The following EML1 variants were observed in gnomAD, a reference collection of about 807,000 sequenced individuals.
EML1 encodes the protein EMAP like 1.
EML1 carries 27 observed loss-of-function variants against 110.4 expected under a neutral mutation model. The ratio of observed to expected loss-of-function variants is 0.24; its 90% CI spans 0.18 to 0.34. The LOEUF (loss-of-function observed/expected upper bound fraction) is 0.34, where lower values mean the gene tolerates loss of function less well. Among genes scored for constraint, EML1 ranks in the 10% least tolerant of loss-of-function variants. EML1 has a pLI of 1.00. For synonymous variants in EML1, 344 were observed against 385.8 expected (o/e 0.89, Z 1.27); for missense variants, 741 against 1,030.9 (o/e 0.72, Z 3.85).
intron 9 of EML1, among the ~76,000 whole-genome samples, chr14:99,904,777 GT>G (rs1555402810): frequency 2.6e-5 from 4 of 151,912 alleles, no homozygotes; most frequent in African/African-American, 7.3e-5. Flanking sequence ...ACTTTATCCA[GT>G]TTTTTTTCAG....
intron 1 of EML1, among the ~76,000 whole-genome samples, chr14:99,785,384 T>C (rs1436205791): frequency 6.6e-6 from 1 of 152,138 alleles, no homozygotes; most frequent in Non-Finnish European, 1.5e-5. Context: ...AGAATAATCT[T>C]AACACTGGAA....
intron 10 of EML1, 92 bp downstream of exon 10, chr14:99,907,825 C>A: frequency 8.8e-7 from 1 of 1,136,630 alleles, no homozygotes; most frequent in Non-Finnish European, 1.3e-6. Context: ...CGGGCTCATT[C>A]CCACCCCAGC....
At chr14:99,850,773 C>A in intron 1 of EML1, 80 bp from the exon 2 acceptor site, 1 of 1,478,604 alleles carries the variant, frequency 6.8e-7, no homozygotes, top group Non-Finnish European at 9.2e-7. Flanking sequence ...GGGCTTAAAA[C>A]AGCATGCTAG....
At chr14:99,885,788 A>C in intron 4 of EML1, 1 of 413,858 alleles carries the variant, frequency 2.4e-6, no homozygotes, top group Non-Finnish European at 4.8e-6. Context: ...CATATTAATT[A>C]ATAACATGTT....
chr14:99,872,477 C>T (rs777949982), intron 3 of EML1, among the ~76,000 whole-genome samples: 2 of 152,110 alleles, frequency 1.3e-5, no homozygotes, highest in African/African-American at 2.4e-5. Flanking sequence ...ACAGAATATC[C>T]GTTTGATTAC....
At chr14:99,887,862 C>G (rs1000238200) in intron 4 of EML1, among the ~76,000 whole-genome samples, 3 of 152,176 alleles carry the variant, frequency 2.0e-5, no homozygotes, top group African/African-American at 7.2e-5. Flanking sequence ...CACTGCACAT[C>G]TGTGTGTTTG....
At chr14:99,795,398 A>G (rs983953677) in intron 1 of EML1, among the ~76,000 whole-genome samples, 3 of 152,370 alleles carry the variant, frequency 2.0e-5, no homozygotes, top group African/African-American at 2.4e-5. Context: ...GAATCAAACA[A>G]TAAGATCACT....
intron 5 of EML1, chr14:99,894,422 G>A (rs1407327211): frequency 6.6e-6 from 3 of 451,422 alleles, no homozygotes; most frequent in African/African-American, 6.1e-5. Context: ...ATGTACTTAA[G>A]TAAACAGAAT....
At chr14:99,767,153 A>C (rs1438335347) in intron 1 of EML1, among the ~76,000 whole-genome samples, 2 of 152,240 alleles carry the variant, frequency 1.3e-5, no homozygotes. Context: ...AAAGTGGGCT[A>C]CAAATTTCTA....
intron 1 of EML1, among the ~76,000 whole-genome samples, chr14:99,782,647 G>C (rs1353242757): frequency 1.3e-5 from 2 of 152,128 alleles, no homozygotes. Flanking sequence ...AGGATGCTGA[G>C]GACCTTTGCC....
At chr14:99,808,809 A>C (rs1179177736) in intron 1 of EML1, among the ~76,000 whole-genome samples, 1 of 152,214 alleles carries the variant, frequency 6.6e-6, no homozygotes, top group Non-Finnish European at 1.5e-5. Context: ...ACATAACCCC[A>C]ATATAAAATG....
chr14:99,740,652 A>C (rs911917), intron 1 of EML1, among the ~76,000 whole-genome samples: 138,209 of 152,168 alleles, frequency 0.91, 64,232 homozygotes, highest in South Asian at 1. Context: ...CCCACACACC[A>C]CGGCCAGCAA....
chr14:99,743,386 A>G (rs987845078), intron 1 of EML1, among the ~76,000 whole-genome samples: 9 of 152,060 alleles, frequency 5.9e-5, no homozygotes. Flanking sequence ...CCCTTCTTGG[A>G]TAGTAGCTTC....
rs1003158339 is a variant in EML1 at position 99,895,213 on chromosome 14, G to T, written c.677+455G>T. ...GAACAGTGAAAATAATCAAGAATGG[G>T]TAGAATTTTAGATTCTAATGAGAAC... On this transcript the variant is annotated intron_variant, in intron 6 of 21. Transcript: ENST00000262233. Among the ~76,000 whole-genome samples the T allele has an allele frequency of 2.0e-5, 3 of 152,066 alleles. No individual in the cohort carries two copies. In the Admixed American group the frequency reaches 2.0e-4, roughly 10 times the overall value.
intron 6 of EML1, among the ~76,000 whole-genome samples, chr14:99,896,466 G>A (rs1284819690): frequency 1.3e-5 from 2 of 152,174 alleles, no homozygotes; most frequent in African/African-American, 2.4e-5. Flanking sequence ...TAAGTCAGTA[G>A]TGGTTTATTA....
chr14:99,778,173 C>A (rs530431259), intron 1 of EML1, among the ~76,000 whole-genome samples: 1 of 152,312 alleles, frequency 6.6e-6, no homozygotes, highest in African/African-American at 2.4e-5. Flanking sequence ...ACTCACATTG[C>A]TTACTCCATA....
At chr14:99,743,977 A>G (rs2057074637) in intron 1 of EML1, among the ~76,000 whole-genome samples, 1 of 152,008 alleles carries the variant, frequency 6.6e-6, no homozygotes, top group Non-Finnish European at 1.5e-5. Context: ...CCATTTCACT[A>G]TTTTTTTTCT....
intron 5 of EML1, among the ~76,000 whole-genome samples, chr14:99,893,929 A>G (rs1421650008): frequency 6.6e-6 from 1 of 152,144 alleles, no homozygotes; most frequent in Non-Finnish European, 1.5e-5. Flanking sequence ...TACGTTGTTG[A>G]TATTTACTTT....
chr14:99,764,138 T>C (rs952357688), intron 1 of EML1, among the ~76,000 whole-genome samples: 1 of 152,144 alleles, frequency 6.6e-6, no homozygotes, highest in Non-Finnish European at 1.5e-5. Context: ...TGTGTGACCT[T>C]CCTCCTTTCA....
Sources: allele counts gnomAD v4.1 joint callset (sites outside exome capture counted in the v4.1 genomes callset), GRCh38; gene constraint gnomAD v4.1.1; transcripts MANE v1.5; gene names NCBI Gene and HGNC (gene_info 2026-07-23, HGNC 2026-07-21).